The following CTNND2 variants were observed in gnomAD, a reference collection of about 807,000 sequenced individuals.
The protein encoded by CTNND2 is catenin delta-2.
Under a neutral mutation model 144.4 loss-of-function variants are expected in CTNND2, and 22 were observed. That is an observed-to-expected ratio of 0.15 (90% CI 0.11 to 0.22). The LOEUF (loss-of-function observed/expected upper bound fraction) is 0.22. CTNND2 is among the 10% of genes least tolerant of loss of function. CTNND2 has a pLI of 1.00. For synonymous variants in CTNND2, 751 were observed against 695.6 expected, an observed-to-expected ratio of 1.08 and a Z score of -1.25; for missense variants, 1,353 against 1,618.8, an observed-to-expected ratio of 0.84 and a Z score of 2.82.
intron 2 of CTNND2, among the ~76,000 whole-genome samples, chr5:11,682,606 T>A (rs139884796): frequency 4.9e-4 from 75 of 152,330 alleles, no homozygotes; most frequent in African/African-American, 1.7e-3. Flanking sequence ...GCAACAGATT[T>A]GGAGCTACAT....
intron 18 of CTNND2, 107 bp downstream of exon 18, chr5:11,017,867 G>A: frequency 2.5e-6 from 2 of 815,884 alleles, no homozygotes; most frequent in Non-Finnish European, 4.2e-6. Flanking sequence ...CGTTTCAGTT[G>A]TGTTTCAATG....
chr5:11,464,682 A>G (rs950893087), intron 3 of CTNND2, among the ~76,000 whole-genome samples: 2 of 152,170 alleles, frequency 1.3e-5, no homozygotes, highest in African/African-American at 4.8e-5. Context: ...GCAGAGATAT[A>G]CAGGTGAGAG....
At chr5:11,083,158 A>G (rs1749774589) in intron 15 of CTNND2, among the ~76,000 whole-genome samples, 1 of 152,208 alleles carries the variant, frequency 6.6e-6, no homozygotes, top group South Asian at 2.1e-4. Context: ...CAAGATACAG[A>G]GGTTTGGGAC....
chr5:11,897,301 A>C (rs1737471574), intron 1 of CTNND2, among the ~76,000 whole-genome samples: 1 of 152,236 alleles, frequency 6.6e-6, no homozygotes, highest in Non-Finnish European at 1.5e-5. Context: ...CAGAGGATAA[A>C]ATTTGTTTTA....
intron 3 of CTNND2, among the ~76,000 whole-genome samples, chr5:11,547,247 G>A (rs1775320586): frequency 2.0e-5 from 3 of 150,564 alleles, no homozygotes; most frequent in South Asian, 2.1e-4. Flanking sequence ...TGGCCTGGGC[G>A]ACAGTGTGAG....
chr5:11,415,347 T>A (rs111986327), intron 3 of CTNND2, among the ~76,000 whole-genome samples: 5,950 of 152,244 alleles, frequency 0.039, 379 homozygotes, highest in African/African-American at 0.13. Context: ...CTCATGCTTA[T>A]AATCCCAGTG....
chr5:11,860,555 T>C (rs1456901386), intron 1 of CTNND2, among the ~76,000 whole-genome samples: 1 of 152,268 alleles, frequency 6.6e-6, no homozygotes, highest in South Asian at 2.1e-4. Flanking sequence ...GCTACAAAAA[T>C]AGGAAAAATT....
chr5:11,544,346 A>T (rs1298694751), intron 3 of CTNND2, among the ~76,000 whole-genome samples: 1 of 152,226 alleles, frequency 6.6e-6, no homozygotes, highest in Non-Finnish European at 1.5e-5. Context: ...GAACACTGAT[A>T]CACTGCTGAT....
At chr5:11,375,598 T>C (rs2149787185) in intron 7 of CTNND2, among the ~76,000 whole-genome samples, 1 of 152,328 alleles carries the variant, frequency 6.6e-6, no homozygotes, top group East Asian at 1.9e-4. Flanking sequence ...TAATGATCAT[T>C]TGAATCGCAG....
intron 11 of CTNND2, among the ~76,000 whole-genome samples, chr5:11,177,923 C>A (rs369685584): frequency 6.1e-4 from 93 of 152,226 alleles, no homozygotes; most frequent in Admixed American, 6.1e-3. Context: ...AATTTAAATA[C>A]TATAGCAAGT....
chr5:11,158,206 T>TGCTA lies in CTNND2; in HGVS notation c.2159+1366_2159+1369dup, dbSNP rs1276357329. On this transcript the variant is annotated intron_variant, in intron 12 of 21. Coordinates refer to ENST00000304623, the MANE Select transcript of CTNND2 (RefSeq NM_001332.4). ...ACCCTGACACTGTGAAAGTAGGGAA[T>TGCTA]GCTAGCAAGGGAAAAACACTTTTAA... Among the ~76,000 whole-genome samples, 22 of 152,240 alleles carry TGCTA rather than the reference T, an allele frequency of 1.4e-4. No individual in the cohort carries two copies. The East Asian group carries it at 3.9e-3, about 27-fold the overall frequency.
At chr5:11,858,306 G>T (rs1279976113) in intron 1 of CTNND2, among the ~76,000 whole-genome samples, 1 of 152,136 alleles carries the variant, frequency 6.6e-6, no homozygotes, top group African/African-American at 2.4e-5. Flanking sequence ...CAGTATACAT[G>T]CACACAAAGA....
chr5:11,066,265 C>T (rs1207639867), intron 16 of CTNND2, among the ~76,000 whole-genome samples: 1 of 152,198 alleles, frequency 6.6e-6, no homozygotes, highest in Non-Finnish European at 1.5e-5. Flanking sequence ...GTCTCAATCT[C>T]TTGACCTCGT....
At chr5:11,871,055 G>T (rs1735074561) in intron 1 of CTNND2, among the ~76,000 whole-genome samples, 1 of 152,112 alleles carries the variant, frequency 6.6e-6, no homozygotes, top group African/African-American at 2.4e-5. Context: ...AATGGGATTT[G>T]CCCTCTTGCA....
At position 11,754,251 on chromosome 5, in the gene CTNND2, T is replaced by C. The variant is rs374627878; in HGVS notation, c.38-21979A>G. Among the ~76,000 whole-genome samples the C allele has an allele frequency of 2.2e-4, 33 of 151,914 alleles. No individual in the cohort carries two copies. The East Asian group carries it at 5.8e-3, about 27-fold the overall frequency. On this transcript the variant is annotated intron_variant, in intron 1 of 21. Coordinates refer to ENST00000304623, the MANE Select transcript of CTNND2 (RefSeq NM_001332.4). ...TTTGCTCTTGATTTTCTAGTTTCTC[T>C]AGGTGTGATGTTAGGTTGTGAATTT... is the stretch of plus-strand genomic sequence containing the variant.
At chr5:11,392,381 C>G (rs1273029035) in intron 6 of CTNND2, among the ~76,000 whole-genome samples, 1 of 152,164 alleles carries the variant, frequency 6.6e-6, no homozygotes, top group African/African-American at 2.4e-5. Context: ...ATAGATTTAT[C>G]TTGAAGAATA....
At chr5:11,779,543 C>T (rs1457621060) in intron 1 of CTNND2, among the ~76,000 whole-genome samples, 1 of 152,160 alleles carries the variant, frequency 6.6e-6, no homozygotes, top group Non-Finnish European at 1.5e-5. Flanking sequence ...TGGGTTATGG[C>T]ATAGCCTGTA....
intron 1 of CTNND2, among the ~76,000 whole-genome samples, chr5:11,778,971 A>C (rs1464351034): frequency 1.3e-5 from 2 of 152,230 alleles, no homozygotes; most frequent in African/African-American, 4.8e-5. Context: ...GTTTAAGCAG[A>C]AACACTGGCA....
At chr5:11,452,490 A>G (rs1316412575) in intron 3 of CTNND2, among the ~76,000 whole-genome samples, 1 of 152,208 alleles carries the variant, frequency 6.6e-6, no homozygotes. Context: ...CCTTCCTCCC[A>G]GGAAATTCAC....
Sources: allele counts gnomAD v4.1 joint callset (sites outside exome capture counted in the v4.1 genomes callset), GRCh38; gene constraint gnomAD v4.1.1; transcripts MANE v1.5; gene names NCBI Gene and HGNC (gene_info 2026-07-23, HGNC 2026-07-21).